CCDC138: variants seen among roughly 807,000 people sequenced by gnomAD.
The protein encoded by CCDC138 is coiled-coil domain-containing protein 138.
CCDC138 carries 66 observed loss-of-function variants against 82.3 expected under a neutral mutation model. The observed-to-expected ratio is 0.80, with a 90% CI of 0.66 to 0.98. The LOEUF (loss-of-function observed/expected upper bound fraction) is 0.98. Among genes scored for constraint, CCDC138 ranks in the 50% least tolerant of loss-of-function variants. The probability of loss-of-function intolerance (pLI) is 0.00; values close to 1 mark genes in which losing one functional copy is unlikely to be tolerated. For missense variants in CCDC138, 816 were observed against 758.9 expected (o/e 1.08, Z -0.88); for synonymous variants, 297 against 265.4 (o/e 1.12, Z -1.16).
intron 7 of CCDC138, among the ~76,000 whole-genome samples, chr2:108,810,404 C>T (rs912630693): frequency 3.3e-5 from 5 of 152,076 alleles, no homozygotes; most frequent in East Asian, 1.9e-4. Context: ...TTGAAATGAT[C>T]GTAAGGTAAT....
chr2:108,823,010 T>G (rs1246700884), intron 10 of CCDC138, among the ~76,000 whole-genome samples: 1 of 152,214 alleles, frequency 6.6e-6, no homozygotes, highest in Non-Finnish European at 1.5e-5. Context: ...TAAGACAATG[T>G]TATCAACAAT....
In CCDC138 at chr2:108,798,487, A is replaced by G. The variant is rs778123204; in HGVS notation, c.636A>G (p.Leu212=). 1.9e-6 allele frequency: 3 copies of G among 1,613,998 alleles called. No homozygotes were observed. The highest frequency in any genetic ancestry group is 2.5e-6 in the Non-Finnish European group (3 of 1,179,926). The change falls in exon 6 of 15, where the codon TTA becomes TTG. Residue 212 remains leucine, a synonymous_variant. Coordinates refer to ENST00000295124, the MANE Select transcript of CCDC138 (RefSeq NM_144978.3). ...AACTTCAAAAGCGAGAACGTTTTTT[A>G]CTTGAAAGAGAACAACTGCTTTTCA... ...AEELQKRERF[L]LEREQLLFRH...
intron 13 of CCDC138, among the ~76,000 whole-genome samples, chr2:108,858,162 G>A (rs1243320628): frequency 3.3e-5 from 5 of 152,276 alleles, no homozygotes; most frequent in Non-Finnish European, 7.4e-5. Context: ...TGGCCAACAC[G>A]GTGAAACCCC....
rs1679200436 is a variant in CCDC138 at position 108,788,022 on chromosome 2, T to TC, written c.94-10_94-9insC. ...AGTATACAAATTAAATCTTTTCTTT[T>TC]TTTTTTTAGTATGATTTTTCAAATT... On this transcript the variant is annotated splice_polypyrimidine_tract_variant and intron_variant, in intron 1 of 14. Transcript: ENST00000295124. 1.3e-6 allele frequency: 2 copies of TC among 1,522,280 alleles called. No homozygotes were observed. Among genetic ancestry groups the TC allele is most frequent in the African/African-American group, 2.8e-5 (2 of 70,452 alleles). 94.3% of individuals were successfully genotyped at this position (1,522,280 alleles called of 1,614,324 possible). A position where few individuals can be genotyped will look rare whatever the true frequency, so the allele number is the denominator to read the frequency against.
At chr2:108,822,732 G>A (rs1055499937) in intron 10 of CCDC138, among the ~76,000 whole-genome samples, 1 of 152,154 alleles carries the variant, frequency 6.6e-6, no homozygotes, top group African/African-American at 2.4e-5. Flanking sequence ...AGGAAAATTG[G>A]CAAATACCTT....
intron 9 of CCDC138, among the ~76,000 whole-genome samples, chr2:108,815,363 TAAG>T (rs1684578753): frequency 6.6e-6 from 1 of 151,928 alleles, no homozygotes; most frequent in Non-Finnish European, 1.5e-5. Context: ...CTTTTAGTAA[TAAG>T]GTACAGTTAT....
At chr2:108,870,590 TATCTGCAAAGCAACA>T (rs1172127791) in intron 13 of CCDC138, among the ~76,000 whole-genome samples, 1 of 151,770 alleles carries the variant, frequency 6.6e-6, no homozygotes, top group Non-Finnish European at 1.5e-5. Flanking sequence ...AGACAAAGAG[TATCTGCAAAGCAACA>T]AAAGTAAATG....
chr2:108,869,911 CT>C (rs907182117), intron 13 of CCDC138, among the ~76,000 whole-genome samples: 2 of 152,130 alleles, frequency 1.3e-5, no homozygotes, highest in African/African-American at 4.8e-5. Flanking sequence ...AGGATGAAAC[CT>C]GGCTCATCCA....
At chr2:108,875,261 T>C (rs906093291) in intron 14 of CCDC138, among the ~76,000 whole-genome samples, 3 of 149,582 alleles carry the variant, frequency 2.0e-5, no homozygotes, top group Non-Finnish European at 3.0e-5. Context: ...AAGAAACACG[T>C]ATACATATGT....
chr2:108,860,691 A>G (rs1693414869), intron 13 of CCDC138, among the ~76,000 whole-genome samples: 1 of 151,876 alleles, frequency 6.6e-6, no homozygotes, highest in South Asian at 2.1e-4. Context: ...ATGTGCTACT[A>G]GGTTCCGTTT....
chr2:108,793,750 T>C (rs552933597), intron 4 of CCDC138, among the ~76,000 whole-genome samples: 6 of 151,848 alleles, frequency 4.0e-5, no homozygotes, highest in Non-Finnish European at 4.4e-5. Context: ...GCACCCGCCA[T>C]CACGCCCGGC....
intron 5 of CCDC138, among the ~76,000 whole-genome samples, chr2:108,796,497 G>T (rs896002563): frequency 3.9e-5 from 6 of 152,128 alleles, no homozygotes; most frequent in African/African-American, 1.4e-4. Flanking sequence ...CCCGAAAAAA[G>T]AAAACGGCGT....
intron 14 of CCDC138, among the ~76,000 whole-genome samples, chr2:108,873,883 A>C (rs1192378184): frequency 1.3e-5 from 2 of 152,158 alleles, no homozygotes; most frequent in Non-Finnish European, 2.9e-5. Context: ...GACCTTTCTG[A>C]ATCCCATGCT....
chr2:108,865,982 G>C (rs2104987345), intron 13 of CCDC138, among the ~76,000 whole-genome samples: 1 of 152,208 alleles, frequency 6.6e-6, no homozygotes, highest in Admixed American at 6.5e-5. Flanking sequence ...TCTCTTCCTG[G>C]GGAGAAGCTA....
chr2:108,794,592 T>G lies in CCDC138; in HGVS notation c.447T>G (p.Ser149Arg). 1 of 1,614,130 alleles carries G rather than the reference T, an allele frequency of 6.2e-7. No individual in the cohort carries two copies. Among genetic ancestry groups the G allele is most frequent in the Non-Finnish European group, 8.5e-7 (1 of 1,179,996 alleles). The change falls in exon 5 of 15, where the codon AGT becomes AGG. Residue 149 changes from serine (S) to arginine (R), a missense_variant. By Grantham distance (110) the Ser-to-Arg change is moderately radical. Coordinates refer to ENST00000295124, the MANE Select transcript of CCDC138 (RefSeq NM_144978.3). ...TSSRPRTECC[S>R]DAGDSPLKPV... Reference sequence around the variant, plus strand: ...CGAGACCTCGGACTGAGTGTTGTAGTGATGCAGGTGACTCTCCTTTGAAAC... The same window carrying G: ...CGAGACCTCGGACTGAGTGTTGTAGGGATGCAGGTGACTCTCCTTTGAAAC...
chr2:108,826,572 G>A (rs1686634680), intron 10 of CCDC138, among the ~76,000 whole-genome samples: 1 of 151,968 alleles, frequency 6.6e-6, no homozygotes, highest in Non-Finnish European at 1.5e-5. Context: ...TAAATAAGAG[G>A]GTCCATATCT....
intron 11 of CCDC138, among the ~76,000 whole-genome samples, chr2:108,843,583 C>G (rs1472366725): frequency 6.6e-6 from 1 of 152,152 alleles, no homozygotes; most frequent in Non-Finnish European, 1.5e-5. Flanking sequence ...ACTTTCAGTA[C>G]TTGAAAAATG....
intron 11 of CCDC138, among the ~76,000 whole-genome samples, chr2:108,841,911 A>G (rs540814182): frequency 6.6e-6 from 1 of 152,086 alleles, no homozygotes; most frequent in African/African-American, 2.4e-5. Context: ...TCTTTGTATA[A>G]CTTTTCTAAT....
chr2:108,845,066 A>G (rs1453220107), intron 11 of CCDC138, among the ~76,000 whole-genome samples: 2 of 151,372 alleles, frequency 1.3e-5, no homozygotes, highest in African/African-American at 4.9e-5. Flanking sequence ...TTTCAAGTTT[A>G]TTTTTTCATT....
Sources: gnomAD v4.1 joint callset for allele counts (sites outside exome capture counted in the v4.1 genomes callset) on GRCh38, gnomAD v4.1.1 for gene constraint, MANE v1.5 for transcripts, NCBI Gene and HGNC (gene_info 2026-07-23, HGNC 2026-07-21) for gene names.